Variants in TNS1 observed in about 807,000 individuals in gnomAD.
TNS1 encodes tensin-1.
Under a neutral mutation model 168.6 loss-of-function variants are expected in TNS1, and 62 were observed. That is an observed-to-expected ratio of 0.37 (90% CI 0.30 to 0.45). The LOEUF (loss-of-function observed/expected upper bound fraction) is 0.45. Ranked by LOEUF, TNS1 falls within the 20% of genes least tolerant of loss-of-function variation. The probability of loss-of-function intolerance (pLI) is 1.00; values close to 1 mark genes in which losing one functional copy is unlikely to be tolerated. For synonymous variants in TNS1, 934 were observed against 933.2 expected, an observed-to-expected ratio of 1.00 and a Z score of -0.02; for missense variants, 2,240 against 2,339.4, an observed-to-expected ratio of 0.96 and a Z score of 0.88.
Position 217,867,692 on chromosome 2 carries a change from C to T in TNS1, c.1429+13206G>A, listed in dbSNP as rs115914224. ...CCATTCAGTCACACTGTCCTCTTCC[C>T]GGCTTCCCAAACATCTCAGGTGGGC... On this transcript the variant is annotated intron_variant, in intron 18 of 32. Coordinates refer to ENST00000682258, the MANE Select transcript of TNS1 (RefSeq NM_001387777.1). 4.5e-3 allele frequency among the ~76,000 whole-genome samples: 681 copies of T among 152,348 alleles called. 2 individuals are homozygous for T. The highest frequency in any genetic ancestry group is 0.016 in the African/African-American group (664 of 41,582).
At chr2:217,919,844 G>T (rs1221394227) in intron 4 of TNS1, among the ~76,000 whole-genome samples, 1 of 152,238 alleles carries the variant, frequency 6.6e-6, no homozygotes, top group Non-Finnish European at 1.5e-5. Flanking sequence ...CAGGGTGCCT[G>T]ACCCGGGACC....
chr2:217,990,198 A>C (rs1281716962), intron 2 of TNS1, among the ~76,000 whole-genome samples: 2 of 148,516 alleles, frequency 1.3e-5, no homozygotes, highest in Non-Finnish European at 3.0e-5. Flanking sequence ...TCATCCACAC[A>C]CCATCCACAC....
At chr2:218,026,808 C>T (rs1250937425) in intron 1 of TNS1, among the ~76,000 whole-genome samples, 1 of 152,246 alleles carries the variant, frequency 6.6e-6, no homozygotes, top group Non-Finnish European at 1.5e-5. Context: ...ACATGCCTGG[C>T]CTGGGTCTAA....
chr2:218,024,800 T>C (rs1958838424), intron 1 of TNS1, among the ~76,000 whole-genome samples: 1 of 152,016 alleles, frequency 6.6e-6, no homozygotes, highest in Non-Finnish European at 1.5e-5. Context: ...AATGCCCCTA[T>C]CCAGAACCCT....
chr2:218,014,874 AG>A (rs1466012610), upstream of TNS1, among the ~76,000 whole-genome samples: 1 of 81,198 alleles, frequency 1.2e-5, no homozygotes, highest in African/African-American at 4.9e-5. Flanking sequence ...GAAGGACGGA[AG>A]GAAGGAAGGA....
At chr2:217,866,916 T>A (rs897373711) in intron 18 of TNS1, among the ~76,000 whole-genome samples, 2 of 152,168 alleles carry the variant, frequency 1.3e-5, no homozygotes, top group East Asian at 1.9e-4. Flanking sequence ...CCCAACTGCA[T>A]GGGGCAGCAG....
intron 17 of TNS1, chr2:217,881,288 G>A (rs549497143): frequency 2.1e-5 from 8 of 383,854 alleles, no homozygotes; most frequent in South Asian, 2.0e-4. Context: ...GGAAGAAAGC[G>A]GGGAGGACCC....
chr2:217,809,336 GATGGATGGATGC>G (rs1940072681), intron 30 of TNS1, among the ~76,000 whole-genome samples: 1 of 44,164 alleles, frequency 2.3e-5, no homozygotes. Flanking sequence ...TGGATGGATG[GATGGATGGATGC>G]ATGGATGGAT....
chr2:217,994,159 C>CAGGGTACTGCCG (rs1958427124), intron 1 of TNS1, among the ~76,000 whole-genome samples: 2 of 106,128 alleles, frequency 1.9e-5, no homozygotes, highest in African/African-American at 7.2e-5. Context: ...GAGGGTGGGG[C>CAGGGTACTGCCG]AGCTCTGGGC....
chr2:217,864,933 G>A (rs1183107311), intron 18 of TNS1, among the ~76,000 whole-genome samples: 2 of 152,206 alleles, frequency 1.3e-5, no homozygotes, highest in Non-Finnish European at 1.5e-5. Flanking sequence ...GTGGGGCAGA[G>A]ATCCATGTGG....
At chr2:217,906,265 T>TGC in intron 6 of TNS1, 70 bp downstream of exon 6, 1 of 596,278 alleles carries the variant, frequency 1.7e-6, no homozygotes. Context: ...ATTATCCACC[T>TGC]CCCACCCCAC....
chr2:217,960,788 C>G (rs1381341758), intron 3 of TNS1, among the ~76,000 whole-genome samples: 1 of 152,152 alleles, frequency 6.6e-6, no homozygotes. Flanking sequence ...AGGACAACCC[C>G]AATTCCCTCC....
At chr2:217,971,634 A>T (rs888852820) in intron 3 of TNS1, among the ~76,000 whole-genome samples, 1 of 152,228 alleles carries the variant, frequency 6.6e-6, no homozygotes, top group African/African-American at 2.4e-5. Context: ...GTTGGATTTT[A>T]TAAGAAATGG....
chr2:217,880,310 C>T lies in TNS1; in HGVS notation c.1429+588G>A, dbSNP rs573868312. On this transcript the variant is annotated intron_variant, in intron 18 of 32. Transcript: ENST00000682258. This position sits in a 1 kb window ranked among gnomAD's most constrained non-coding sequence, Gnocchi z 4.2. ...AATTAAACATGTATTAATTTCAATT[C>T]TGCTGCTTTCTTTTCAAATTTCAGA... 2.6e-5 allele frequency among the ~76,000 whole-genome samples: 4 copies of T among 152,332 alleles called. No homozygotes were observed. The South Asian group carries it at 6.2e-4, about 24-fold the overall frequency.
At position 218,033,394 on chromosome 2, in the gene TNS1, A is replaced by G. The variant is rs551679887; in HGVS notation, c.156+426T>C. ...ACCATCCTGGGGAAGTCCTTGCTCC[A>G]GTGGGGCCCCCACCCTCCTAACTCC... On this transcript the variant is annotated intron_variant, in intron 1 of 1. Coordinates refer to the TNS1 transcript ENST00000649572. This position sits in a 1 kb window ranked among gnomAD's most constrained non-coding sequence, Gnocchi z 4.3. Among the ~76,000 whole-genome samples, 10 of 152,276 alleles carry G rather than the reference A, an allele frequency of 6.6e-5. No homozygotes were observed. In the South Asian group the frequency reaches 2.1e-3, roughly 32 times the overall value.
intron 17 of TNS1, chr2:217,881,491 T>C (rs962997057): frequency 6.3e-6 from 1 of 157,688 alleles, no homozygotes; most frequent in Non-Finnish European, 1.4e-5. Context: ...CAAAGGGTCA[T>C]CCCAGGCATG....
chr2:217,816,688 A>G (rs1941937989), intron 24 of TNS1, among the ~76,000 whole-genome samples: 1 of 152,160 alleles, frequency 6.6e-6, no homozygotes, highest in African/African-American at 2.4e-5. Context: ...GGTGGGAAAC[A>G]GGAAGTGTCC....
chr2:218,014,870 C>CGGAAGGAAGGAAGGAA (rs56964991), upstream of TNS1, among the ~76,000 whole-genome samples: 194 of 98,030 alleles, frequency 2.0e-3, 1 homozygote, highest in East Asian at 5.1e-3. Context: ...GAAGGAAGGA[C>CGGAAGGAAGGAAGGAA]GGAAGGAAGG....
intron 32 of TNS1, among the ~76,000 whole-genome samples, chr2:217,806,899 C>T (rs1436990117): frequency 6.6e-6 from 1 of 152,202 alleles, no homozygotes; most frequent in East Asian, 1.9e-4. Context: ...GCCATGAGGC[C>T]CCTCCCCTGA....
Sources: allele counts gnomAD v4.1 joint callset (sites outside exome capture counted in the v4.1 genomes callset), GRCh38; gene constraint gnomAD v4.1.1; non-coding constraint Gnocchi (gnomAD v3.1); transcripts MANE v1.5; gene names NCBI Gene and HGNC (gene_info 2026-07-23, HGNC 2026-07-21).